NEK11: variants seen among roughly 807,000 people sequenced by gnomAD.
The protein encoded by NEK11 is NIMA related kinase 11.
Under a neutral mutation model 80.7 loss-of-function variants are expected in NEK11, and 72 were observed. The ratio of observed to expected loss-of-function variants is 0.89; its 90% CI spans 0.74 to 1.08. The LOEUF (loss-of-function observed/expected upper bound fraction) is 1.08, where lower values mean the gene tolerates loss of function less well. NEK11 is among the 50% of genes least tolerant of loss of function. NEK11 has a pLI of 0.00. For synonymous variants in NEK11, 251 were observed against 260.7 expected (o/e 0.96, Z 0.36); for missense variants, 764 against 763.6 (o/e 1.00, Z -0.01).
At chr3:131,179,891 A>T (rs577677220) in intron 14 of NEK11, among the ~76,000 whole-genome samples, 1 of 152,282 alleles carries the variant, frequency 6.6e-6, no homozygotes, top group African/African-American at 2.4e-5. Context: ...GTACAATATT[A>T]TATTTCTCAA....
At chr3:131,274,457 C>A (rs1369852467) in intron 17 of NEK11, among the ~76,000 whole-genome samples, 1 of 150,170 alleles carries the variant, frequency 6.7e-6, no homozygotes, top group Non-Finnish European at 1.5e-5. Flanking sequence ...GATTTATAGT[C>A]CTTTGGGTAT....
chr3:131,154,653 T>C (rs1257209828), intron 9 of NEK11, among the ~76,000 whole-genome samples: 2 of 152,220 alleles, frequency 1.3e-5, no homozygotes, highest in Non-Finnish European at 2.9e-5. Context: ...CCCTCTTAGA[T>C]TTTGTGCCTG....
At chr3:131,126,291 C>T (rs757556063) in intron 5 of NEK11, among the ~76,000 whole-genome samples, 4 of 152,164 alleles carry the variant, frequency 2.6e-5, no homozygotes, top group Non-Finnish European at 5.9e-5. Flanking sequence ...ACTTCTTCTT[C>T]CACCCCATGT....
At position 131,109,709 on chromosome 3, in the gene NEK11, TA is replaced by T. The variant is rs1037294737; in HGVS notation, c.337-91del. On this transcript the variant is annotated intron_variant, in intron 4 of 17. Transcript: ENST00000383366. ...ATAATTACAGAATGGCACTTTCTTA[TA>T]AACAGTGACTGCTATGTATTAACTG... is the stretch of plus-strand genomic sequence containing the variant. 140 of 1,253,420 alleles carry T rather than the reference TA, an allele frequency of 1.1e-4. 1 individual carries two copies. The highest frequency in any genetic ancestry group is 5.3e-4 in the Admixed American group (19 of 35,518). The allele number at this position is 1,253,420 out of a possible 1,614,324, so 77.6% of individuals were successfully genotyped here.
At chr3:131,293,022 C>T (rs1055525117) in intron 17 of NEK11, among the ~76,000 whole-genome samples, 4 of 152,054 alleles carry the variant, frequency 2.6e-5, no homozygotes, top group South Asian at 2.1e-4. Flanking sequence ...CATAGACAAT[C>T]GTGTCATCAC....
rs1337826981 is a variant in NEK11, at chr3:131,165,407, A to C, written c.1083-19A>C. ...TAGCAATTCGCAGTTATTTTTCTACATTCACTTTAAATTTACAGAAAGATT... is the reference window on the plus strand; with the variant it reads ...TAGCAATTCGCAGTTATTTTTCTACCTTCACTTTAAATTTACAGAAAGATT... On this transcript the variant is annotated intron_variant, in intron 11 of 17. Coordinates refer to ENST00000383366, the MANE Select transcript of NEK11 (RefSeq NM_024800.5). 1 of 1,468,106 alleles carries C rather than the reference A, an allele frequency of 6.8e-7. No homozygotes were observed. The highest frequency in any genetic ancestry group is 9.5e-7 in the Non-Finnish European group (1 of 1,048,068). The allele number at this position is 1,468,106 out of a possible 1,614,324, so 90.9% of individuals were successfully genotyped here. A position where few individuals can be genotyped will look rare whatever the true frequency, so the allele number is the denominator to read the frequency against.
chr3:131,207,583 A>G (rs953565712), intron 14 of NEK11, among the ~76,000 whole-genome samples: 1 of 150,258 alleles, frequency 6.7e-6, no homozygotes, highest in South Asian at 2.1e-4. Context: ...TATCTCAAGA[A>G]AAAAAAAAAG....
intron 15 of NEK11, among the ~76,000 whole-genome samples, chr3:131,230,796 C>T (rs1015900124): frequency 1.3e-5 from 2 of 152,200 alleles, no homozygotes; most frequent in East Asian, 1.9e-4. Context: ...TATCCCCACC[C>T]GAATCTCATC....
chr3:131,126,434 C>G (rs1323956264), intron 5 of NEK11, among the ~76,000 whole-genome samples: 1 of 152,048 alleles, frequency 6.6e-6, no homozygotes, highest in Admixed American at 6.6e-5. Context: ...AATAGTTTAG[C>G]TACTATTTCA....
chr3:131,285,470 A>G (rs967171569), intron 17 of NEK11, among the ~76,000 whole-genome samples: 1 of 152,192 alleles, frequency 6.6e-6, no homozygotes, highest in Non-Finnish European at 1.5e-5. Context: ...GCAGTTCTTG[A>G]GCTGAGCTCA....
chr3:131,334,165 AT>A (rs1441796915), intron 17 of NEK11, among the ~76,000 whole-genome samples: 1 of 152,136 alleles, frequency 6.6e-6, no homozygotes, highest in Non-Finnish European at 1.5e-5. Flanking sequence ...CAGAATATAC[AT>A]TTTTTTCAGC....
intron 16 of NEK11, among the ~76,000 whole-genome samples, chr3:131,264,814 A>G (rs2096014147): frequency 6.6e-6 from 1 of 152,138 alleles, no homozygotes; most frequent in Non-Finnish European, 1.5e-5. Context: ...CAGTATGGCC[A>G]TTTTCACAAT....
intron 7 of NEK11, among the ~76,000 whole-genome samples, chr3:131,149,197 A>G (rs1375959483): frequency 2.0e-5 from 3 of 151,828 alleles, no homozygotes; most frequent in African/African-American, 7.3e-5. Context: ...CTTTGCATTC[A>G]TGTGTAGTCA....
chr3:131,129,516 A>AG (rs2084024438), intron 5 of NEK11, among the ~76,000 whole-genome samples: 1 of 152,220 alleles, frequency 6.6e-6, no homozygotes, highest in Non-Finnish European at 1.5e-5. Flanking sequence ...ATATTTAAAA[A>AG]GTTATCACCA....
intron 4 of NEK11, chr3:131,092,798 G>T (rs916615084): frequency 6.6e-6 from 1 of 152,120 alleles, no homozygotes; most frequent in African/African-American, 2.4e-5. Context: ...CTGCCGGAAA[G>T]TTCCTCTTTA....
intron 4 of NEK11, among the ~76,000 whole-genome samples, chr3:131,106,494 A>T (rs2079203787): frequency 6.6e-6 from 1 of 152,144 alleles, no homozygotes; most frequent in African/African-American, 2.4e-5. Flanking sequence ...CATAGAGATA[A>T]CATGAACTTA....
intron 14 of NEK11, among the ~76,000 whole-genome samples, chr3:131,179,436 T>C (rs989001329): frequency 6.6e-6 from 1 of 152,220 alleles, no homozygotes; most frequent in Non-Finnish European, 1.5e-5. Flanking sequence ...GCACAACTCA[T>C]AGTCATGACA....
intron 17 of NEK11, among the ~76,000 whole-genome samples, chr3:131,312,140 C>G (rs72991598): frequency 0.13 from 19,685 of 152,124 alleles, 1,899 homozygotes; most frequent in East Asian, 0.3. Context: ...GAGGATGTGT[C>G]ATTGCCCTGA....
At chr3:131,056,305 C>T (rs1424776574) in intron 3 of NEK11, among the ~76,000 whole-genome samples, 1 of 152,166 alleles carries the variant, frequency 6.6e-6, no homozygotes, top group African/African-American at 2.4e-5. Context: ...GACATGGTCT[C>T]CTTGCCTATG....
Sources: allele counts gnomAD v4.1 joint callset (sites outside exome capture counted in the v4.1 genomes callset), GRCh38; gene constraint gnomAD v4.1.1; transcripts MANE v1.5; gene names NCBI Gene and HGNC (gene_info 2026-07-23, HGNC 2026-07-21).